EPHA8: variants seen among roughly 807,000 people sequenced by gnomAD.
EPHA8 encodes ephrin type-A receptor 8.
A neutral mutation model predicts 103.6 loss-of-function variants in EPHA8; 58 were observed. The observed-to-expected ratio is 0.56, with a 90% CI of 0.45 to 0.70. EPHA8 has a LOEUF of 0.70. EPHA8 is among the 30% of genes least tolerant of loss of function. The pLI is 0.00. For synonymous variants in EPHA8, 559 were observed against 572.5 expected (o/e 0.98, Z 0.34); for missense variants, 1,304 against 1,395.2 (o/e 0.93, Z 1.04).
chr1:22,566,409 C>T (rs757619948), intron 1 of EPHA8, among the ~76,000 whole-genome samples: 5 of 152,204 alleles, frequency 3.3e-5, no homozygotes, highest in African/African-American at 9.6e-5. Flanking sequence ...AAAAAGAAAT[C>T]GCATAATGCC....
Position 22,593,609 on chromosome 1 carries a change from T to A in EPHA8, c.1526T>A (p.Val509Glu). 1 of 1,611,080 alleles carries A rather than the reference T, an allele frequency of 6.2e-7. No homozygotes were observed. ...GGCCTCAAGCCGGGCACCCGCTACGTGTTCCAGGTCCGAGCCCGCACCTCA... is the reference window on the plus strand; with the variant it reads ...GGCCTCAAGCCGGGCACCCGCTACGAGTTCCAGGTCCGAGCCCGCACCTCA... The part of the protein sequence containing the change: ...VSGLKPGTRY[V>E]FQVRARTSAG... The change falls in exon 7 of 17, where the codon GTG becomes GAG. Residue 509 changes from valine to glutamate, a missense_variant. Physicochemically the swap from Val to Glu is moderately radical, Grantham distance 121. Transcript: ENST00000166244.
Position 22,567,240 on chromosome 1 carries a change from G to A in EPHA8, c.95-2049G>A, listed in dbSNP as rs1339022763. On this transcript the variant is annotated intron_variant, in intron 1 of 16. Transcript: ENST00000166244. The surrounding 1 kb of genome is among the most constrained non-coding windows in gnomAD (Gnocchi z 4.2). Reference sequence around the variant, plus strand: ...TCACCCCGAGACCTGTGTCTGGGATGCGGGGTGGGGCGGGGGGACCCATAC... The same window carrying A: ...TCACCCCGAGACCTGTGTCTGGGATACGGGGTGGGGCGGGGGGACCCATAC... Among the ~76,000 whole-genome samples the A allele has an allele frequency of 1.3e-5, 2 of 152,182 alleles. No individual in the cohort carries two copies. Among genetic ancestry groups the A allele is most frequent in the African/African-American group, 4.8e-5 (2 of 41,448 alleles).
At position 22,601,989 on chromosome 1, in the gene EPHA8, G is replaced by T. The variant is rs1311435041; in HGVS notation, c.*248G>T. The T allele has an allele frequency of 3.5e-6, 2 of 572,414 alleles. No individual in the cohort carries two copies. Among genetic ancestry groups the T allele is most frequent in the African/African-American group, 1.9e-5 (1 of 51,372 alleles). 35.5% of individuals were successfully genotyped at this position (572,414 alleles called of 1,614,324 possible). On this transcript the variant is annotated 3_prime_UTR_variant, in exon 17 of 17. Transcript: ENST00000166244. Reference sequence around the variant, plus strand: ...GGGCAGGCACCTTCTCTTTTCCAGAGCCTGGGGCCTCCACGTCACAGAGTC... The same window carrying T: ...GGGCAGGCACCTTCTCTTTTCCAGATCCTGGGGCCTCCACGTCACAGAGTC...
At chr1:22,570,757 T>C (rs1313271066) in intron 2 of EPHA8, among the ~76,000 whole-genome samples, 1 of 152,224 alleles carries the variant, frequency 6.6e-6, no homozygotes, top group Non-Finnish European at 1.5e-5. Context: ...TCCCTGAGCC[T>C]GGAGGAAGCC....
rs141239679 is a variant in EPHA8 at position 22,597,910 on chromosome 1, G to T, written c.2116+49G>T. ...TCCCCCTGCAGTGCCCCTCCTGCCT[G>T]GAGAGGCCTCTGGGTCCATCCCCTC... On this transcript the variant is annotated intron_variant, in intron 11 of 16. Transcript: ENST00000166244. The surrounding 1 kb of genome is among the most constrained non-coding windows in gnomAD (Gnocchi z 4.6). 6.3e-4 allele frequency: 989 copies of T among 1,579,740 alleles called. 6 individuals carry two copies. In the African/African-American group the frequency reaches 0.011, roughly 17 times the overall value.
At position 22,589,132 on chromosome 1, in the gene EPHA8, C is replaced by T. The variant is rs1274680269; in HGVS notation, c.1241C>T (p.Ala414Val). Residue 414 changes from alanine to valine, a missense_variant, in exon 5 of 17, where the codon GCC (alanine) becomes GTC (valine). Physicochemically the swap from Ala to Val is moderately conservative, Grantham distance 64. Transcript: ENST00000166244. The surrounding 1 kb of genome is among the most constrained non-coding windows in gnomAD (Gnocchi z 4.3). The part of the protein sequence containing the change: ...AHMNYSFWIE[A>V]VNGVSDLSPE... ...ATGAACTACTCCTTCTGGATCGAGG[C>T]CGTCAATGGCGTGTCCGACCTGAGC... 1 of 1,613,744 alleles carries T rather than the reference C, an allele frequency of 6.2e-7. No individual in the cohort carries two copies. Among genetic ancestry groups the T allele is most frequent in the Admixed American group, 1.7e-5 (1 of 59,990 alleles).
intron 3 of EPHA8, among the ~76,000 whole-genome samples, chr1:22,585,052 C>CGCGCGCGTGCGT (rs147149954): frequency 6.9e-6 from 1 of 144,370 alleles, no homozygotes; most frequent in Non-Finnish European, 1.5e-5. Flanking sequence ...TGTGTGTGTG[C>CGCGCGCGTGCGT]GCACGCGTGT....
chr1:22,592,803 G>A lies in EPHA8; in HGVS notation c.1316-523G>A, dbSNP rs550608252. On this transcript the variant is annotated intron_variant, in intron 5 of 16. Transcript: ENST00000166244. ...GGCTGACCGCACCTGAGCCAGGAGGGAGAGATGCATGAAGAAAGGCATGGG... is the reference window on the plus strand; with the variant it reads ...GGCTGACCGCACCTGAGCCAGGAGGAAGAGATGCATGAAGAAAGGCATGGG... Among the ~76,000 whole-genome samples, 41 of 141,152 alleles carry A rather than the reference G, an allele frequency of 2.9e-4. No individual in the cohort carries two copies. The South Asian group carries it at 9.9e-3, about 34-fold the overall frequency. 92.6% of individuals were successfully genotyped at this position (141,152 alleles called of 152,430 possible). A position where few individuals can be genotyped will look rare whatever the true frequency, so the allele number is the denominator to read the frequency against.
chr1:22,564,004 G>C (rs943545237), intron 1 of EPHA8, among the ~76,000 whole-genome samples: 2 of 151,962 alleles, frequency 1.3e-5, no homozygotes, highest in Admixed American at 6.5e-5. Context: ...TGTGCAGCTG[G>C]GGACAGAATA....
intron 3 of EPHA8, among the ~76,000 whole-genome samples, chr1:22,578,204 G>C (rs199572830): frequency 0.055 from 3,439 of 62,802 alleles, 46 homozygotes; most frequent in Non-Finnish European, 0.067. Flanking sequence ...GTGTGCGTGC[G>C]AGTGTGTGCG....
Position 22,597,659 on chromosome 1 carries a change from CCTCTCGGGGCCTGCAGGAGA to C in EPHA8, c.1931-13_1937del. On this transcript the variant is annotated splice_acceptor_variant and splice_polypyrimidine_tract_variant and coding_sequence_variant and intron_variant, in exon 11 of 17. Transcript: ENST00000166244. LOFTEE classifies it high-confidence loss of function. The surrounding 1 kb of genome is among the most constrained non-coding windows in gnomAD (Gnocchi z 4.6). The stretch of plus-strand genomic sequence containing the variant: ...CCACTGCCCTCCCTCCACACCTGCC[CCTCTCGGGGCCTGCAGGAGA>C]CTCCGGGGAAGTCTGCTACGGGAGG... 6.3e-7 allele frequency: 1 copy of C among 1,591,446 alleles called. No individual in the cohort carries two copies. The highest frequency in any genetic ancestry group is 1.1e-5 in the South Asian group (1 of 88,162).
At chr1:22,578,818 C>T (rs547226570) in intron 3 of EPHA8, among the ~76,000 whole-genome samples, 23 of 143,540 alleles carry the variant, frequency 1.6e-4, no homozygotes, top group African/African-American at 5.7e-4. Flanking sequence ...TGTATGTGTA[C>T]ATGTGCATGC....
chr1:22,578,908 T>C (rs572161666), intron 3 of EPHA8, among the ~76,000 whole-genome samples: 24 of 151,100 alleles, frequency 1.6e-4, no homozygotes, highest in African/African-American at 5.6e-4. Context: ...TGCATGTGTA[T>C]GTATGCATGT....
chr1:22,578,829 CTGTGTGTATATGCATGTGTGCATGCA>C (rs1557561661), intron 3 of EPHA8, among the ~76,000 whole-genome samples: 1 of 138,230 alleles, frequency 7.2e-6, no homozygotes, highest in Non-Finnish European at 1.5e-5. Context: ...ATGTGCATGC[CTGTGTGTATATGCATGTGTGCATGCA>C]TGTGTGTATA....
intron 16 of EPHA8, 36 bp downstream of exon 16, chr1:22,601,509 G>T: frequency 6.2e-7 from 1 of 1,604,288 alleles, no homozygotes; most frequent in Non-Finnish European, 8.5e-7. Context: ...CCATGCGTGT[G>T]GGGGCAGGGG....
intron 1 of EPHA8, among the ~76,000 whole-genome samples, chr1:22,568,200 T>C (rs188578057): frequency 6.6e-6 from 1 of 152,262 alleles, no homozygotes; most frequent in East Asian, 1.9e-4. Context: ...TATGAACCCA[T>C]TTTACAGATG....
rs771365576 is a variant in EPHA8, at chr1:22,597,437, G to A, written c.1891G>A (p.Glu631Lys). The A allele has an allele frequency of 1.5e-5, 25 of 1,613,420 alleles. No homozygotes were observed. Among genetic ancestry groups the A allele is most frequent in the East Asian group, 1.3e-4 (6 of 44,892 alleles). ...GGGCCGCAGTTTCACTCGGGAGATC[G>A]AGGCCTCTAGGATCCACATCGAGAA... ...RAGRSFTREI[E>K]ASRIHIEKII... is the part of the protein sequence containing the mutation. The change falls in exon 10 of 17, where the codon GAG (glutamate) becomes AAG (lysine). Residue 631 changes from glutamate (E) to lysine (K), a missense_variant. Glu to Lys is a moderately conservative substitution (Grantham distance 56). Transcript: ENST00000166244. The surrounding 1 kb of genome is among the most constrained non-coding windows in gnomAD (Gnocchi z 4.6).
chr1:22,591,054 C>G (rs1241777171), intron 5 of EPHA8, among the ~76,000 whole-genome samples: 1 of 151,938 alleles, frequency 6.6e-6, no homozygotes, highest in Non-Finnish European at 1.5e-5. Context: ...TTGCCTCACC[C>G]CCACAAGACA....
Position 22,598,017 on chromosome 1 carries a change from C to T in EPHA8, c.2117-134C>T. 2.8e-6 allele frequency: 4 copies of T among 1,407,682 alleles called. No homozygotes were observed. In the Admixed American group the frequency reaches 7.6e-5, roughly 27 times the overall value. 87.2% of individuals were successfully genotyped at this position (1,407,682 alleles called of 1,614,324 possible). A position where few individuals can be genotyped will look rare whatever the true frequency, so the allele number is the denominator to read the frequency against. On this transcript the variant is annotated intron_variant, in intron 11 of 16. Transcript: ENST00000166244. The surrounding 1 kb of genome is among the most constrained non-coding windows in gnomAD (Gnocchi z 5.1). ...CTCGGGGTGCCCAGAGCCTGGGACCCCAGTGGAAACCCAAGGCACCCTGGG... is the reference window on the plus strand; with the variant it reads ...CTCGGGGTGCCCAGAGCCTGGGACCTCAGTGGAAACCCAAGGCACCCTGGG...
Sources: gnomAD v4.1 joint callset for allele counts (sites outside exome capture counted in the v4.1 genomes callset) on GRCh38, gnomAD v4.1.1 for gene constraint, Gnocchi (gnomAD v3.1) non-coding constraint, MANE v1.5 for transcripts, NCBI Gene and HGNC (gene_info 2026-07-23, HGNC 2026-07-21) for gene names.